The following ZRANB3 variants were observed in gnomAD, a reference collection of about 807,000 sequenced individuals.
ZRANB3 encodes the protein zinc finger RANBP2-type containing 3, also known as DNA annealing helicase and endonuclease ZRANB3.
Under a neutral mutation model 133.8 loss-of-function variants are expected in ZRANB3, and 125 were observed. The observed-to-expected ratio is 0.93, with a 90% confidence interval of 0.81 to 1.08. ZRANB3 has a LOEUF of 1.08. ZRANB3 is among the 50% of genes least tolerant of loss of function. The pLI, the probability that ZRANB3 is intolerant of heterozygous loss-of-function variation, is 0.00. For synonymous variants in ZRANB3, 387 were observed against 432.7 expected (o/e 0.89, Z 1.31); for missense variants, 1,229 against 1,275.5 (o/e 0.96, Z 0.56).
intron 19 of ZRANB3, among the ~76,000 whole-genome samples, chr2:135,203,537 T>G (rs2105033258): frequency 6.9e-6 from 1 of 144,598 alleles, no homozygotes; most frequent in East Asian, 2.0e-4. Context: ...GAGAATGGCG[T>G]GAACCCGGGA....
intron 8 of ZRANB3, among the ~76,000 whole-genome samples, chr2:135,300,776 C>A (rs1682387754): frequency 6.6e-6 from 1 of 152,116 alleles, no homozygotes; most frequent in African/African-American, 2.4e-5. Context: ...CATTGTTCAT[C>A]TAGATTATCA....
At chr2:135,320,110 A>C (rs1306668478) in intron 6 of ZRANB3, among the ~76,000 whole-genome samples, 6 of 152,062 alleles carry the variant, frequency 3.9e-5, no homozygotes, top group Non-Finnish European at 5.9e-5. Context: ...GCACAACCAT[A>C]GTGCACTGCA....
At chr2:135,241,715 C>T (rs1231442707) in intron 12 of ZRANB3, among the ~76,000 whole-genome samples, 1 of 151,920 alleles carries the variant, frequency 6.6e-6, no homozygotes, top group Non-Finnish European at 1.5e-5. Context: ...TGACTTGTAA[C>T]ATGGTAGGGA....
chr2:135,333,216 A>C (rs1029985278), intron 6 of ZRANB3, among the ~76,000 whole-genome samples: 28 of 152,180 alleles, frequency 1.8e-4, no homozygotes, highest in Non-Finnish European at 3.4e-4. Context: ...TGAACCTATG[A>C]TTGTCCTTCC....
At chr2:135,514,917 T>A (rs2104835149) in intron 1 of ZRANB3, among the ~76,000 whole-genome samples, 1 of 152,262 alleles carries the variant, frequency 6.6e-6, no homozygotes, top group South Asian at 2.1e-4. Context: ...TTATTGGTTA[T>A]GTTTATGTGA....
At chr2:135,328,796 C>A (rs2104844111) in intron 6 of ZRANB3, among the ~76,000 whole-genome samples, 1 of 152,306 alleles carries the variant, frequency 6.6e-6, no homozygotes, top group South Asian at 2.1e-4. Context: ...TTTTGATTTG[C>A]ATTCCTCTGA....
chr2:135,273,256 T>C (rs1169792726), intron 9 of ZRANB3, among the ~76,000 whole-genome samples: 1 of 151,918 alleles, frequency 6.6e-6, no homozygotes, highest in African/African-American at 2.4e-5. Context: ...CTCCTAAATT[T>C]CAAAAAACCT....
rs766826300 is a variant in ZRANB3 at position 135,369,097 on chromosome 2, C to A, written c.181-15469G>T. 2.0e-5 allele frequency among the ~76,000 whole-genome samples: 3 copies of A among 151,696 alleles called. No homozygotes were observed. The East Asian group carries it at 5.8e-4, about 29-fold the overall frequency. ...ACACTCTATTAGATTAAGTAAAGGG[C>A]CTAACTTGTCTCAGTAGTTGATAAC... On this transcript the variant is annotated intron_variant, in intron 3 of 20. Transcript: ENST00000264159.
At chr2:135,474,287 T>C (rs566279508) in intron 2 of ZRANB3, among the ~76,000 whole-genome samples, 70 of 152,258 alleles carry the variant, frequency 4.6e-4, no homozygotes, top group African/African-American at 1.6e-3. Flanking sequence ...TATAAATTCA[T>C]TGGATTCTGC....
intron 20 of ZRANB3, among the ~76,000 whole-genome samples, chr2:135,200,842 G>A (rs976124458): frequency 3.5e-5 from 5 of 143,750 alleles, no homozygotes; most frequent in African/African-American, 5.2e-5. Context: ...TGCAACCTCC[G>A]CCCCACAGGT....
intron 8 of ZRANB3, among the ~76,000 whole-genome samples, chr2:135,282,255 G>A (rs1170820582): frequency 6.6e-6 from 1 of 152,136 alleles, no homozygotes; most frequent in Non-Finnish European, 1.5e-5. Context: ...AATATGCATT[G>A]TTTATTTACT....
At chr2:135,286,574 C>T (rs897142618) in intron 8 of ZRANB3, among the ~76,000 whole-genome samples, 14 of 152,220 alleles carry the variant, frequency 9.2e-5, no homozygotes, top group African/African-American at 2.9e-4. Flanking sequence ...CCACTGCACT[C>T]GGCCTTATTT....
At chr2:135,470,201 T>G (rs1691194106) in intron 2 of ZRANB3, among the ~76,000 whole-genome samples, 1 of 150,942 alleles carries the variant, frequency 6.6e-6, no homozygotes. Context: ...GGTGGGCACC[T>G]ATAATCCCAA....
intron 12 of ZRANB3, among the ~76,000 whole-genome samples, chr2:135,238,097 T>C (rs1170632549): frequency 6.6e-6 from 1 of 152,230 alleles, no homozygotes; most frequent in Non-Finnish European, 1.5e-5. Flanking sequence ...GAATCTCAGT[T>C]TCCTAATTAG....
In ZRANB3 at chr2:135,473,559, A is replaced by T. The variant is rs538867567; in HGVS notation, c.161+30770T>A. ...CTAGTAATATGCTAAAAAAAAAAAAAGATGGAAAGGAAAAGAATATGGAAA... is the reference window on the plus strand; with the variant it reads ...CTAGTAATATGCTAAAAAAAAAAAATGATGGAAAGGAAAAGAATATGGAAA... On this transcript the variant is annotated intron_variant, in intron 2 of 20. Coordinates refer to ENST00000264159, the MANE Select transcript of ZRANB3 (RefSeq NM_032143.4). Among the ~76,000 whole-genome samples the T allele has an allele frequency of 2.0e-4, 31 of 151,994 alleles. No individual in the cohort carries two copies. In the East Asian group the frequency reaches 3.3e-3, roughly 16 times the overall value.
At chr2:135,291,756 C>A (rs1388588104) in intron 8 of ZRANB3, among the ~76,000 whole-genome samples, 1 of 151,842 alleles carries the variant, frequency 6.6e-6, no homozygotes, top group East Asian at 1.9e-4. Flanking sequence ...TTCCCCCACC[C>A]CACAACAGGC....
chr2:135,500,762 A>G (rs971444710), intron 2 of ZRANB3, among the ~76,000 whole-genome samples: 1 of 151,488 alleles, frequency 6.6e-6, no homozygotes. Flanking sequence ...TCAGTAAAAA[A>G]AAAAAAAAAA....
At chr2:135,379,189 T>C (rs981236944) in intron 3 of ZRANB3, among the ~76,000 whole-genome samples, 2 of 152,100 alleles carry the variant, frequency 1.3e-5, no homozygotes, top group Non-Finnish European at 2.9e-5. Context: ...AAATTAAAAA[T>C]TTTTTTAAAA....
At chr2:135,265,781 C>A in intron 11 of ZRANB3, 95 bp from the exon 12 acceptor site, 1 of 1,302,698 alleles carries the variant, frequency 7.7e-7, no homozygotes. Flanking sequence ...CATAAGCTAC[C>A]CACTAAGAAA....
Sources: gnomAD v4.1 joint callset for allele counts (sites outside exome capture counted in the v4.1 genomes callset) on GRCh38, gnomAD v4.1.1 for gene constraint, MANE v1.5 for transcripts, NCBI Gene and HGNC (gene_info 2026-07-23, HGNC 2026-07-21) for gene names.